FILIP1L: variants seen among roughly 807,000 people sequenced by gnomAD.
FILIP1L encodes filamin A interacting protein 1 like.
FILIP1L carries 55 observed loss-of-function variants against 96.6 expected under a neutral mutation model. That is an observed-to-expected ratio of 0.57 (90% CI 0.46 to 0.71). The LOEUF (loss-of-function observed/expected upper bound fraction) is 0.71, where lower values mean the gene tolerates loss of function less well. FILIP1L is among the 30% of genes least tolerant of loss of function. The pLI is 0.00. For missense variants in FILIP1L, 1,304 were observed against 1,321.2 expected (o/e 0.99, Z 0.20); for synonymous variants, 467 against 473.9 (o/e 0.99, Z 0.19).
intron 1 of FILIP1L, among the ~76,000 whole-genome samples, chr3:100,109,391 A>G (rs2066450126): frequency 6.6e-6 from 1 of 152,188 alleles, no homozygotes; most frequent in African/African-American, 2.4e-5. Context: ...AATTTTGACA[A>G]GCTCATGCAA....
intron 4 of FILIP1L, among the ~76,000 whole-genome samples, chr3:99,872,067 T>C (rs1944816848): frequency 6.6e-6 from 1 of 152,164 alleles, no homozygotes; most frequent in Admixed American, 6.5e-5. Context: ...TTCTCCTCTC[T>C]TCCTAGCACT....
intron 1 of FILIP1L, among the ~76,000 whole-genome samples, chr3:100,065,274 A>AT (rs2065644582): frequency 6.6e-6 from 1 of 152,186 alleles, no homozygotes. Flanking sequence ...GAATATCCAG[A>AT]TAATGCTTTT....
chr3:99,842,132 A>G (rs962297723), intron 5 of FILIP1L, among the ~76,000 whole-genome samples: 5 of 152,214 alleles, frequency 3.3e-5, no homozygotes, highest in Middle Eastern at 3.2e-3. Flanking sequence ...GTATATATAC[A>G]CCATGGAATA....
At chr3:100,096,107 A>G (rs766891926) in intron 1 of FILIP1L, among the ~76,000 whole-genome samples, 3 of 152,184 alleles carry the variant, frequency 2.0e-5, no homozygotes, top group Non-Finnish European at 4.4e-5. Flanking sequence ...ACTTTTATCC[A>G]AAACACAGGC....
intron 1 of FILIP1L, among the ~76,000 whole-genome samples, chr3:100,102,499 CTT>C (rs1201073894): frequency 3.9e-5 from 6 of 152,306 alleles, no homozygotes; most frequent in African/African-American, 1.4e-4. Flanking sequence ...TGAGATCTCT[CTT>C]TTCTTCAAAT....
At chr3:99,833,072 G>A (rs1942749940) in intron 5 of FILIP1L, 1 of 662,102 alleles carries the variant, frequency 1.5e-6, no homozygotes, top group Non-Finnish European at 2.7e-6. Context: ...TCTACTCAGA[G>A]TTGGAGGCTC....
chr3:100,017,991 G>A (rs1451745946), intron 1 of FILIP1L, among the ~76,000 whole-genome samples: 1 of 151,946 alleles, frequency 6.6e-6, no homozygotes, highest in Non-Finnish European at 1.5e-5. Context: ...CTCTGAGAAG[G>A]GTATTCAGGA....
intron 1 of FILIP1L, among the ~76,000 whole-genome samples, chr3:99,976,557 A>G (rs1708977705): frequency 6.6e-6 from 1 of 152,164 alleles, no homozygotes; most frequent in African/African-American, 2.4e-5. Flanking sequence ...CATTGAAGAT[A>G]CCACTTTATT....
At chr3:100,093,572 CA>C (rs534150838) in intron 1 of FILIP1L, among the ~76,000 whole-genome samples, 258 of 152,214 alleles carry the variant, frequency 1.7e-3, no homozygotes, top group African/African-American at 5.8e-3. Flanking sequence ...CAGTTTCCTC[CA>C]ATGGTAACAT....
At chr3:99,876,097 C>T in intron 4 of FILIP1L, 1 of 986,342 alleles carries the variant, frequency 1.0e-6, no homozygotes, top group Non-Finnish European at 1.2e-6. Flanking sequence ...CGGGGCCGGG[C>T]GGGGGCCGGG....
intron 4 of FILIP1L, among the ~76,000 whole-genome samples, chr3:99,880,284 G>A (rs1705679424): frequency 6.6e-6 from 1 of 152,130 alleles, no homozygotes; most frequent in Admixed American, 6.5e-5. Flanking sequence ...CTCTGTACAT[G>A]TAGATACCCA....
chr3:100,002,292 T>C (rs1187156314), intron 1 of FILIP1L, among the ~76,000 whole-genome samples: 2 of 152,242 alleles, frequency 1.3e-5, no homozygotes, highest in Non-Finnish European at 2.9e-5. Flanking sequence ...GAATTTTTTG[T>C]ACCTTCAAAA....
chr3:99,896,748 A>G lies in FILIP1L; in HGVS notation c.605+27482T>C, dbSNP rs72934470. ...AACCTTTGTTCAGTAGAGTTTTGAG[A>G]TTCTATAAGGTTCCAGAGGACTAGG... On this transcript the variant is annotated intron_variant, in intron 4 of 5. Coordinates refer to ENST00000477258, the MANE Select transcript of FILIP1L (RefSeq NM_001387850.1). 4.7e-3 allele frequency among the ~76,000 whole-genome samples: 708 copies of G among 152,242 alleles called. 7 individuals carry two copies. Among genetic ancestry groups the G allele is most frequent in the African/African-American group, 0.016 (678 of 41,534 alleles).
chr3:99,930,053 G>A (rs367960877), intron 2 of FILIP1L, 24 bp from the exon 3 acceptor site: 3 of 1,581,644 alleles, frequency 1.9e-6, no homozygotes, highest in Non-Finnish European at 2.6e-6. Context: ...AAGTATTTCA[G>A]AAAGCCTGCT....
intron 1 of FILIP1L, among the ~76,000 whole-genome samples, chr3:99,955,975 G>A (rs1305480868): frequency 6.6e-6 from 1 of 152,030 alleles, no homozygotes; most frequent in Non-Finnish European, 1.5e-5. Flanking sequence ...CCTAACTCCC[G>A]GACTTGACCT....
At chr3:100,055,704 A>G (rs1048865913) in intron 1 of FILIP1L, among the ~76,000 whole-genome samples, 1 of 152,216 alleles carries the variant, frequency 6.6e-6, no homozygotes, top group African/African-American at 2.4e-5. Context: ...GTAGTCAAAC[A>G]TTCTTGAGAG....
chr3:99,930,580 GC>G (rs1405691350), intron 2 of FILIP1L, among the ~76,000 whole-genome samples, 188 bp downstream of exon 2: 3 of 152,222 alleles, frequency 2.0e-5, no homozygotes, highest in Non-Finnish European at 4.4e-5. Context: ...CATCATGACA[GC>G]CCCTTTAGAT....
At chr3:99,908,870 T>G (rs1039848673) in intron 4 of FILIP1L, among the ~76,000 whole-genome samples, 1 of 152,064 alleles carries the variant, frequency 6.6e-6, no homozygotes, top group Admixed American at 6.5e-5. Flanking sequence ...AAAAAATTCC[T>G]ATTGTGTGTG....
rs560044343 is a variant in FILIP1L at position 99,941,599 on chromosome 3, G to A, written c.-10-10569C>T. Among the ~76,000 whole-genome samples the A allele has an allele frequency of 5.3e-5, 8 of 152,286 alleles. No individual in the cohort carries two copies. The South Asian group carries it at 1.7e-3, about 32-fold the overall frequency. ...AACTGTGGGTATGCATCACAGGGCTGTTTATAATAAGGGAGATGAAACAAC... is the reference window on the plus strand; with the variant it reads ...AACTGTGGGTATGCATCACAGGGCTATTTATAATAAGGGAGATGAAACAAC... On this transcript the variant is annotated intron_variant, in intron 1 of 5. Transcript: ENST00000477258.
Sources: gnomAD v4.1 joint callset for allele counts (sites outside exome capture counted in the v4.1 genomes callset) on GRCh38, gnomAD v4.1.1 for gene constraint, MANE v1.5 for transcripts, NCBI Gene and HGNC (gene_info 2026-07-23, HGNC 2026-07-21) for gene names.